Variants in PPARGC1B observed in about 807,000 individuals in gnomAD.
PPARGC1B encodes PPARG coactivator 1 beta.
Under a neutral mutation model 101.6 loss-of-function variants are expected in PPARGC1B, and 34 were observed. The ratio of observed to expected loss-of-function variants is 0.33; its 90% CI spans 0.25 to 0.45. PPARGC1B has a LOEUF of 0.45. PPARGC1B is among the 20% of genes least tolerant of loss of function. The pLI is 1.00. For missense variants in PPARGC1B, 1,234 were observed against 1,317.6 expected, an observed-to-expected ratio of 0.94 and a Z score of 0.98; for synonymous variants, 548 against 539.3, an observed-to-expected ratio of 1.02 and a Z score of -0.22.
intron 1 of PPARGC1B, among the ~76,000 whole-genome samples, chr5:149,762,945 C>T (rs1166836978): frequency 2.0e-5 from 3 of 152,190 alleles, no homozygotes; most frequent in Non-Finnish European, 4.4e-5. Flanking sequence ...CACCATTACA[C>T]CCAGCACATT....
In PPARGC1B at chr5:149,836,777, C is replaced by T. The variant is rs1311532584; in HGVS notation, c.2322C>T (p.Ala774=). The T allele has an allele frequency of 1.2e-6, 2 of 1,613,532 alleles. No homozygotes were observed. Among genetic ancestry groups the T allele is most frequent in the Non-Finnish European group, 1.7e-6 (2 of 1,180,038 alleles). ...AACACTTTGGGCTGCTGGAGACCGC[C>T]CTGGAGGAGGAAGACCTGGCCTCCT... is the stretch of plus-strand genomic sequence containing the variant. ...LTKHFGLLET[A]LEEEDLASCK... Residue 774 remains alanine (A), a synonymous_variant, in exon 8 of 12, where the codon GCC becomes GCT. Transcript: ENST00000309241.
At chr5:149,830,651 G>C (rs1758744657) in intron 3 of PPARGC1B, 116 bp from the exon 4 acceptor site, 2 of 730,844 alleles carry the variant, frequency 2.7e-6, no homozygotes. Flanking sequence ...TGCCCACCCT[G>C]TGTTCTCCCT....
At chr5:149,758,173 A>G (rs1187423790) in intron 1 of PPARGC1B, among the ~76,000 whole-genome samples, 2 of 152,208 alleles carry the variant, frequency 1.3e-5, no homozygotes, top group Non-Finnish European at 2.9e-5. Context: ...ATTAAAGGTC[A>G]CTTGGCCAAC....
rs555931773 is a variant in PPARGC1B at position 149,824,882 on chromosome 5, G to A, written c.253-1791G>A. ...TAGCTCTGTTCTAAAAATTACAAAC[G>A]CGTTTGTTCTCTCCCCGTGTTCCCC... On this transcript the variant is annotated intron_variant, in intron 2 of 11. Coordinates refer to ENST00000309241, the MANE Select transcript of PPARGC1B (RefSeq NM_133263.4). Among the ~76,000 whole-genome samples the A allele has an allele frequency of 1.9e-4, 29 of 152,284 alleles. 1 individual carries two copies. The South Asian group carries it at 2.9e-3, about 15-fold the overall frequency.
chr5:149,777,899 C>T (rs1188940687), intron 1 of PPARGC1B, among the ~76,000 whole-genome samples: 1 of 95,506 alleles, frequency 1.0e-5, no homozygotes, highest in South Asian at 4.8e-4. Flanking sequence ...ACAGAGTACC[C>T]GGCTGCTCAT....
intron 1 of PPARGC1B, among the ~76,000 whole-genome samples, chr5:149,799,501 C>T (rs189616461): frequency 6.6e-6 from 1 of 152,166 alleles, no homozygotes; most frequent in Admixed American, 6.5e-5. Context: ...TGAAGGGAGA[C>T]CCTGGAAGCC....
At chr5:149,816,862 C>T (rs541235170) in intron 1 of PPARGC1B, among the ~76,000 whole-genome samples, 5 of 152,358 alleles carry the variant, frequency 3.3e-5, no homozygotes, top group African/African-American at 1.2e-4. Flanking sequence ...CTCCCCAACC[C>T]ACCACCTGTC....
At chr5:149,748,306 G>C (rs1347327862) in intron 1 of PPARGC1B, among the ~76,000 whole-genome samples, 2 of 136,188 alleles carry the variant, frequency 1.5e-5, no homozygotes, top group Non-Finnish European at 3.2e-5. Flanking sequence ...TATAGATATA[G>C]ATATAGATAT....
At chr5:149,759,529 G>C (rs1300723161) in intron 1 of PPARGC1B, among the ~76,000 whole-genome samples, 8 of 152,204 alleles carry the variant, frequency 5.3e-5, no homozygotes, top group Non-Finnish European at 1.2e-4. Context: ...CCAGAAGCCA[G>C]ACACTGAGGG....
intron 1 of PPARGC1B, among the ~76,000 whole-genome samples, chr5:149,809,115 T>TTAGG (rs1757706534): frequency 2.4e-5 from 2 of 84,096 alleles, no homozygotes; most frequent in South Asian, 8.8e-4. Flanking sequence ...TATCTCCACC[T>TTAGG]TAGATAGATA....
intron 1 of PPARGC1B, among the ~76,000 whole-genome samples, chr5:149,791,202 G>T (rs1334415058): frequency 1.5e-5 from 2 of 131,328 alleles, no homozygotes; most frequent in Admixed American, 1.5e-4. Flanking sequence ...GAATTGTCTG[G>T]GGCGGGGGGC....
chr5:149,765,112 AAG>A (rs1755858949), intron 1 of PPARGC1B, among the ~76,000 whole-genome samples: 1 of 152,184 alleles, frequency 6.6e-6, no homozygotes, highest in Admixed American at 6.5e-5. Flanking sequence ...AGTGCAGAGA[AAG>A]AGGGAGGGAC....
chr5:149,787,322 A>T (rs947366523), intron 1 of PPARGC1B, among the ~76,000 whole-genome samples: 4 of 152,232 alleles, frequency 2.6e-5, no homozygotes, highest in African/African-American at 9.6e-5. Context: ...AAGAGTGTGT[A>T]TGTGAGCTTA....
Position 149,734,613 on chromosome 5 carries a change from C to T in PPARGC1B, c.78+4193C>T, listed in dbSNP as rs146270815. Among the ~76,000 whole-genome samples the T allele has an allele frequency of 8.3e-4, 126 of 152,054 alleles. 1 individual carries two copies. Among genetic ancestry groups the T allele is most frequent in the African/African-American group, 2.7e-3 (111 of 41,486 alleles). ...AAAACGAATATCTTTTTATGTATGT[C>T]TTTGTTTCTTCCTTTAAGTTCCTAG... On this transcript the variant is annotated intron_variant, in intron 1 of 11. Coordinates refer to ENST00000309241, the MANE Select transcript of PPARGC1B (RefSeq NM_133263.4).
At chr5:149,782,086 C>T (rs1756621271) in intron 1 of PPARGC1B, among the ~76,000 whole-genome samples, 1 of 151,124 alleles carries the variant, frequency 6.6e-6, no homozygotes, top group Non-Finnish European at 1.5e-5. Context: ...GGGCTAAGCC[C>T]AAGAAGAAGA....
intron 9 of PPARGC1B, 64 bp downstream of exon 9, chr5:149,840,180 T>C: frequency 6.7e-7 from 1 of 1,495,408 alleles, no homozygotes; most frequent in Non-Finnish European, 9.1e-7. Context: ...TGTGGGGGCT[T>C]CATGGACCAA....
At chr5:149,748,319 A>C (rs200324414) in intron 1 of PPARGC1B, among the ~76,000 whole-genome samples, 3 of 73,856 alleles carry the variant, frequency 4.1e-5, no homozygotes, top group African/African-American at 2.0e-4. Context: ...ATAGATATAG[A>C]TATATCTATA....
At chr5:149,788,609 A>G (rs1160034286) in intron 1 of PPARGC1B, among the ~76,000 whole-genome samples, 4 of 152,250 alleles carry the variant, frequency 2.6e-5, no homozygotes, top group Non-Finnish European at 4.4e-5. Context: ...TCATGCTGCT[A>G]TAAAGACACA....
rs1759248047 is a variant in PPARGC1B at position 149,839,529 on chromosome 5, G to A, written c.2619-512G>A. ...CATGGAGCTGCAATGGCCAGGGGCT[G>A]CTGCTTGGCTGAGGCATGAACCCAA... On this transcript the variant is annotated intron_variant, in intron 8 of 11. Coordinates refer to ENST00000309241, the MANE Select transcript of PPARGC1B (RefSeq NM_133263.4). 2.6e-5 allele frequency among the ~76,000 whole-genome samples: 4 copies of A among 152,196 alleles called. No individual in the cohort carries two copies. In the South Asian group the frequency reaches 8.3e-4, roughly 31 times the overall value.
Sources: gnomAD v4.1 joint callset for allele counts (sites outside exome capture counted in the v4.1 genomes callset) on GRCh38, gnomAD v4.1.1 for gene constraint, MANE v1.5 for transcripts, NCBI Gene and HGNC (gene_info 2026-07-23, HGNC 2026-07-21) for gene names.